GAK: variants seen among roughly 807,000 people sequenced by gnomAD.
GAK encodes the protein cyclin-G-associated kinase.
In GAK, 79 loss-of-function variants were observed where a neutral mutation model predicts 143.9. The observed-to-expected ratio is 0.55, with a 90% CI of 0.46 to 0.66. GAK has a LOEUF of 0.66. Ranked by LOEUF, GAK falls within the 30% of genes least tolerant of loss-of-function variation. The pLI, the probability that GAK is intolerant of heterozygous loss-of-function variation, is 0.00. For synonymous variants in GAK, 881 were observed against 765.5 expected, an observed-to-expected ratio of 1.15 and a Z score of -2.49; for missense variants, 1,693 against 1,779.7, an observed-to-expected ratio of 0.95 and a Z score of 0.88.
rs1182515420 is a variant in GAK, at chr4:889,071, TC to T, written c.1082-102del. 28 of 1,339,304 alleles carry T rather than the reference TC, an allele frequency of 2.1e-5. No homozygotes were observed. The African/African-American group carries it at 3.6e-4, about 17-fold the overall frequency. 83.0% of individuals were successfully genotyped at this position (1,339,304 alleles called of 1,614,324 possible). A position where few individuals can be genotyped will look rare whatever the true frequency, so the allele number is the denominator to read the frequency against. On this transcript the variant is annotated intron_variant, in intron 10 of 27. Coordinates refer to ENST00000314167, the MANE Select transcript of GAK (RefSeq NM_005255.4). ...CAGGCCCCAGGCGCTCGGTCCCACC[TC>T]CCCAGGCGCTCGGTCCCACCTCCCC...
chr4:862,982 A>G (rs1472257465), intron 23 of GAK, among the ~76,000 whole-genome samples: 1 of 152,192 alleles, frequency 6.6e-6, no homozygotes, highest in Non-Finnish European at 1.5e-5. Context: ...TAAGAAACAC[A>G]TTTCTAAGGC....
intron 8 of GAK, 55 bp downstream of exon 8, chr4:893,819 C>A (rs570821518): frequency 8.6e-6 from 13 of 1,513,174 alleles, no homozygotes; most frequent in Non-Finnish European, 9.8e-6. Context: ...TCCAGAGCCA[C>A]GCGGGGTCTG....
chr4:884,202 C>A, intron 11 of GAK, 116 bp from the exon 12 acceptor site: 2 of 840,724 alleles, frequency 2.4e-6, no homozygotes, highest in Non-Finnish European at 2.0e-6. Flanking sequence ...CTGTAGAGGC[C>A]GCATCCCAGG....
chr4:862,740 T>TAC (rs779676286), intron 23 of GAK, among the ~76,000 whole-genome samples: 1 of 152,218 alleles, frequency 6.6e-6, no homozygotes, highest in Non-Finnish European at 1.5e-5. Flanking sequence ...GCCATCTGTG[T>TAC]ACAGCATGGT....
chr4:857,758 G>A (rs1166557519), intron 24 of GAK, among the ~76,000 whole-genome samples: 2 of 152,110 alleles, frequency 1.3e-5, no homozygotes, highest in African/African-American at 4.8e-5. Context: ...CACTGCCCGT[G>A]GCTCCTCATT....
intron 3 of GAK, 33 bp downstream of exon 3, chr4:912,702 C>T: frequency 6.3e-7 from 1 of 1,592,864 alleles, no homozygotes; most frequent in Non-Finnish European, 8.6e-7. Flanking sequence ...GCCAAAGCCA[C>T]CGTGCTGGCT....
At chr4:856,014 C>A (rs1169780918) in intron 24 of GAK, among the ~76,000 whole-genome samples, 2 of 152,198 alleles carry the variant, frequency 1.3e-5, no homozygotes, top group Non-Finnish European at 2.9e-5. Context: ...GGGTCTTGCT[C>A]TGCTGCCCAG....
chr4:859,475 G>A (rs766944271), intron 24 of GAK, 131 bp downstream of exon 24: 29 of 1,602,306 alleles, frequency 1.8e-5, no homozygotes, highest in Non-Finnish European at 2.3e-5. Context: ...TGGGCTCACT[G>A]TGCTCTGGGC....
rs768017849 is a variant in GAK at position 902,596 on chromosome 4, C to CAAAAAAAAAAAAAAAAAA, written c.525+2023_525+2040dup. The stretch of plus-strand genomic sequence containing the variant: ...AGCCTGGGCTGTAGAGTGACTGACT[C>CAAAAAAAAAAAAAAAAAA]AAAAAAAAAAAAAAAAAACCCCAAA... On this transcript the variant is annotated intron_variant, in intron 5 of 27. Coordinates refer to ENST00000314167, the MANE Select transcript of GAK (RefSeq NM_005255.4). 2.4e-3 allele frequency among the ~76,000 whole-genome samples: 146 copies of CAAAAAAAAAAAAAAAAAA among 60,676 alleles called. 16 individuals are homozygous for CAAAAAAAAAAAAAAAAAA. Among genetic ancestry groups the CAAAAAAAAAAAAAAAAAA allele is most frequent in the African/African-American group, 0.01 (127 of 12,148 alleles). 39.8% of individuals were successfully genotyped at this position (60,676 alleles called of 152,430 possible). A position where few individuals can be genotyped will look rare whatever the true frequency, so the allele number is the denominator to read the frequency against.
chr4:851,518 C>T (rs1187531548), intron 25 of GAK: 2 of 591,958 alleles, frequency 3.4e-6, no homozygotes, highest in Non-Finnish European at 6.0e-6. Flanking sequence ...GTTGCAAAGG[C>T]CATTTGTTAA....
intron 5 of GAK, among the ~76,000 whole-genome samples, chr4:898,686 A>T (rs557892811): frequency 3.4e-4 from 51 of 152,238 alleles, no homozygotes; most frequent in African/African-American, 1.1e-3. Flanking sequence ...ACATGGTAAA[A>T]CCTCGTCTCT....
intron 10 of GAK, 91 bp downstream of exon 10, chr4:890,438 GAGA>G (rs1255899041): frequency 6.7e-6 from 6 of 900,496 alleles, no homozygotes; most frequent in African/African-American, 1.7e-5. Flanking sequence ...GGCCCCGGGA[GAGA>G]AGGACCCCAG....
chr4:929,586 G>A (rs1725355151), intron 1 of GAK, among the ~76,000 whole-genome samples: 1 of 152,004 alleles, frequency 6.6e-6, no homozygotes, highest in Non-Finnish European at 1.5e-5. Context: ...AGGTGCAGCA[G>A]CACATGCCTG....
At chr4:908,119 G>C (rs1454422193) in intron 4 of GAK, among the ~76,000 whole-genome samples, 1 of 152,170 alleles carries the variant, frequency 6.6e-6, no homozygotes, top group Non-Finnish European at 1.5e-5. Flanking sequence ...CCTCGCAAAG[G>C]CTTTCTGATC....
chr4:894,342 G>A, intron 7 of GAK: 1 of 223,682 alleles, frequency 4.5e-6, no homozygotes, highest in Non-Finnish European at 8.8e-6. Context: ...AGGCCTGCGG[G>A]GAATGCAGGG....
At position 893,864 on chromosome 4, in the gene GAK, C is replaced by T. The variant is rs570786728; in HGVS notation, c.877+10G>A. The T allele has an allele frequency of 1.7e-4, 260 of 1,573,864 alleles. 4 individuals are homozygous for T. In the South Asian group the frequency reaches 2.8e-3, roughly 17 times the overall value. On this transcript the variant is annotated intron_variant, in intron 8 of 27. Transcript: ENST00000314167. ...GTCCTGCCCCACGCACGCATTCCAC[C>T]GGGACTTACGGATGAGGCTGTGGAA... is the stretch of plus-strand genomic sequence containing the variant.
In GAK at chr4:866,943, C is replaced by T; in HGVS notation, c.2872+13G>A. ...ACTGTGAAGCCACTCGCCTTCAGAA[C>T]AGAAACACGTACCAGCGGCAGGGGG... On this transcript the variant is annotated intron_variant, in intron 21 of 27. Coordinates refer to ENST00000314167, the MANE Select transcript of GAK (RefSeq NM_005255.4). The T allele has an allele frequency of 6.8e-7, 1 of 1,475,528 alleles. No individual in the cohort carries two copies. 91.4% of individuals were successfully genotyped at this position (1,475,528 alleles called of 1,614,324 possible). A position where few individuals can be genotyped will look rare whatever the true frequency, so the allele number is the denominator to read the frequency against.
At chr4:884,316 G>A (rs1412459362) in intron 11 of GAK, 4 of 542,494 alleles carry the variant, frequency 7.4e-6, no homozygotes, top group Middle Eastern at 5.0e-4. Flanking sequence ...GCCTGCAGCT[G>A]GTGGAGGCAT....
chr4:903,889 GC>G (rs1198697757), intron 5 of GAK, among the ~76,000 whole-genome samples: 2 of 152,180 alleles, frequency 1.3e-5, no homozygotes, highest in African/African-American at 2.4e-5. Context: ...GGGCGTGAAG[GC>G]CCCCAGCAGG....
Sources: allele counts gnomAD v4.1 joint callset (sites outside exome capture counted in the v4.1 genomes callset), GRCh38; gene constraint gnomAD v4.1.1; transcripts MANE v1.5; gene names NCBI Gene and HGNC (gene_info 2026-07-23, HGNC 2026-07-21).